Variants in DLGAP1 observed in about 807,000 individuals in gnomAD.
The protein encoded by DLGAP1 is disks large-associated protein 1.
DLGAP1 carries 11 observed loss-of-function variants against 90.8 expected under a neutral mutation model. The ratio of observed to expected loss-of-function variants is 0.12; its 90% CI spans 0.08 to 0.20. DLGAP1 has a LOEUF of 0.20. DLGAP1 is among the 10% of genes least tolerant of loss of function. The probability of loss-of-function intolerance (pLI) is 1.00; values close to 1 mark genes in which losing one functional copy is unlikely to be tolerated. For synonymous variants in DLGAP1, 558 were observed against 540.7 expected (o/e 1.03, Z -0.44); for missense variants, 1,050 against 1,333.8 (o/e 0.79, Z 3.31).
chr18:4,162,245 T>C (rs2076858905), intron 1 of DLGAP1, among the ~76,000 whole-genome samples: 1 of 152,094 alleles, frequency 6.6e-6, no homozygotes, highest in African/African-American at 2.4e-5. Flanking sequence ...AGAGTTACAG[T>C]TTTGTGCATA....
At chr18:4,114,937 TTAATA>T (rs1338966347) in intron 2 of DLGAP1, among the ~76,000 whole-genome samples, 1 of 152,192 alleles carries the variant, frequency 6.6e-6, no homozygotes, top group Non-Finnish European at 1.5e-5. Flanking sequence ...TTGTACATAT[TTAATA>T]TTTTATTGTA....
intron 3 of DLGAP1, among the ~76,000 whole-genome samples, chr18:3,923,008 C>A (rs2072299121): frequency 6.6e-6 from 1 of 151,886 alleles, no homozygotes. Context: ...GTGGCGCACG[C>A]CTGTGGTCCC....
chr18:4,083,920 G>A (rs532342104), intron 2 of DLGAP1, among the ~76,000 whole-genome samples: 1 of 152,254 alleles, frequency 6.6e-6, no homozygotes, highest in Admixed American at 6.5e-5. Flanking sequence ...CTTATCTCTA[G>A]GACAGAGGGC....
chr18:3,903,600 C>T (rs1273244638), intron 3 of DLGAP1, among the ~76,000 whole-genome samples: 1 of 152,148 alleles, frequency 6.6e-6, no homozygotes, highest in Non-Finnish European at 1.5e-5. Flanking sequence ...TAACCCTAGA[C>T]ACAACCACAA....
rs566018042 is a variant in DLGAP1, at chr18:3,517,778, T to C, written c.2480-9117A>G. ...GTTGCAGTGAGCCGAGATCGTGCCA[T>C]TGCACTCCAGCCTGGGCAACAAGAG... On this transcript the variant is annotated intron_variant, in intron 10 of 12. Transcript: ENST00000315677. This position sits in a 1 kb window ranked among gnomAD's most constrained non-coding sequence, Gnocchi z 4.1. Among the ~76,000 whole-genome samples the C allele has an allele frequency of 2.6e-4, 40 of 151,136 alleles. No homozygotes were observed. The highest frequency in any genetic ancestry group is 6.8e-3 in the Middle Eastern group (2 of 292).
intron 5 of DLGAP1, among the ~76,000 whole-genome samples, chr18:3,797,129 C>A (rs1233608873): frequency 6.6e-6 from 1 of 152,066 alleles, no homozygotes; most frequent in East Asian, 1.9e-4. Context: ...GTCAGGAGAT[C>A]GAGACCATCC....
At chr18:3,646,696 G>A (rs1420041732) in intron 7 of DLGAP1, among the ~76,000 whole-genome samples, 2 of 152,116 alleles carry the variant, frequency 1.3e-5, no homozygotes, top group Non-Finnish European at 2.9e-5. Context: ...AGGCCGAGGC[G>A]GGCAGATCAC....
intron 4 of DLGAP1, among the ~76,000 whole-genome samples, chr18:3,836,430 T>C (rs1474757429): frequency 6.6e-6 from 1 of 152,352 alleles, no homozygotes; most frequent in East Asian, 1.9e-4. Context: ...CTTCAGTTTT[T>C]ATAGGAGTTT....
intron 5 of DLGAP1, among the ~76,000 whole-genome samples, chr18:3,760,007 T>A (rs2063889366): frequency 6.6e-6 from 1 of 152,170 alleles, no homozygotes; most frequent in Admixed American, 6.5e-5. Context: ...AGAGGCCTAT[T>A]GAAGTGAGGT....
Position 3,822,131 on chromosome 18 carries a change from C to T in DLGAP1, c.958-7858G>A, listed in dbSNP as rs16945462. 1,673 of 414,316 alleles carry T rather than the reference C, an allele frequency of 4.0e-3. 23 individuals are homozygous for T. Among genetic ancestry groups the T allele is most frequent in the African/African-American group, 0.031 (1,431 of 46,100 alleles). 25.7% of individuals were successfully genotyped at this position (414,316 alleles called of 1,614,324 possible). A position where few individuals can be genotyped will look rare whatever the true frequency, so the allele number is the denominator to read the frequency against. On this transcript the variant is annotated intron_variant, in intron 4 of 12. Transcript: ENST00000315677. ...ATCAGGAGAAGATTTCCCTGGCAACCGCCCTTTCTTACTCCCCTGGAAGCC... is the reference window on the plus strand; with the variant it reads ...ATCAGGAGAAGATTTCCCTGGCAACTGCCCTTTCTTACTCCCCTGGAAGCC...
chr18:3,548,660 A>G (rs2053201992), intron 9 of DLGAP1, among the ~76,000 whole-genome samples: 1 of 152,190 alleles, frequency 6.6e-6, no homozygotes, highest in African/African-American at 2.4e-5. Flanking sequence ...GCCACTGCAC[A>G]TCATACTTAA....
At chr18:4,406,403 C>T (rs1315931208) in intron 1 of DLGAP1, among the ~76,000 whole-genome samples, 2 of 151,978 alleles carry the variant, frequency 1.3e-5, no homozygotes, top group Non-Finnish European at 2.9e-5. Flanking sequence ...GCCTCCAGAC[C>T]CTATTCTCCT....
At chr18:4,106,850 G>A (rs2075877546) in intron 2 of DLGAP1, among the ~76,000 whole-genome samples, 1 of 152,212 alleles carries the variant, frequency 6.6e-6, no homozygotes. Context: ...TGGCAGGGAT[G>A]AGGCAGGAGA....
chr18:3,580,465 C>T (rs2055425243), intron 8 of DLGAP1: 3 of 1,611,570 alleles, frequency 1.9e-6, no homozygotes, highest in Non-Finnish European at 2.5e-6. Context: ...CCCTCAGCCG[C>T]CACCTCTTCA....
At chr18:4,313,289 T>C (rs1171455526) in intron 1 of DLGAP1, among the ~76,000 whole-genome samples, 1 of 151,992 alleles carries the variant, frequency 6.6e-6, no homozygotes, top group Non-Finnish European at 1.5e-5. Flanking sequence ...TAGATGTGGG[T>C]TGGGTGGATA....
At chr18:4,372,358 G>A (rs1421757785) in intron 1 of DLGAP1, among the ~76,000 whole-genome samples, 1 of 152,194 alleles carries the variant, frequency 6.6e-6, no homozygotes, top group Non-Finnish European at 1.5e-5. Context: ...CAGTGGCAGT[G>A]GACAGCCACG....
At chr18:4,081,243 C>A (rs62083762) in intron 2 of DLGAP1, among the ~76,000 whole-genome samples, 50,879 of 144,576 alleles carry the variant, frequency 0.35, 9,235 homozygotes, top group Non-Finnish European at 0.43. Context: ...TGAACCCAGG[C>A]GGCGGAGGTT....
intron 2 of DLGAP1, among the ~76,000 whole-genome samples, chr18:4,060,292 C>T (rs2075280864): frequency 6.6e-6 from 1 of 152,188 alleles, no homozygotes; most frequent in Non-Finnish European, 1.5e-5. Context: ...AGCAACTCTC[C>T]TCCAAATCCT....
chr18:3,881,110 TTTTCTTTTTC>T (rs1247576316), intron 3 of DLGAP1, among the ~76,000 whole-genome samples: 4 of 142,492 alleles, frequency 2.8e-5, no homozygotes, highest in Non-Finnish European at 4.6e-5. Flanking sequence ...TTATTCTTTT[TTTTCTTTTTC>T]TTTTCTTTTT....
Sources: allele counts gnomAD v4.1 joint callset (sites outside exome capture counted in the v4.1 genomes callset), GRCh38; gene constraint gnomAD v4.1.1; non-coding constraint Gnocchi (gnomAD v3.1); transcripts MANE v1.5; gene names NCBI Gene and HGNC (gene_info 2026-07-23, HGNC 2026-07-21).